XKR7: variants seen among roughly 807,000 people sequenced by gnomAD.
The protein encoded by XKR7 is XK-related protein 7.
In XKR7, 11 loss-of-function variants were observed where a neutral mutation model predicts 42.2. The observed-to-expected ratio is 0.26, with a 90% CI of 0.16 to 0.43. The LOEUF (loss-of-function observed/expected upper bound fraction) is 0.43. Among genes scored for constraint, XKR7 ranks in the 20% least tolerant of loss-of-function variants. XKR7 has a pLI of 1.00. For missense variants in XKR7, 710 were observed against 802.2 expected (o/e 0.89, Z 1.39); for synonymous variants, 346 against 366.4 (o/e 0.94, Z 0.64).
chr20:31,987,754 G>C (rs2064549698), intron 1 of XKR7, among the ~76,000 whole-genome samples: 1 of 152,240 alleles, frequency 6.6e-6, no homozygotes, highest in Admixed American at 6.5e-5. Context: ...TAGACAGGCT[G>C]TCTGGCATCC....
At chr20:31,986,265 G>T (rs924923520) in intron 1 of XKR7, among the ~76,000 whole-genome samples, 2 of 77,032 alleles carry the variant, frequency 2.6e-5, no homozygotes, top group Non-Finnish European at 5.1e-5. Context: ...CAGCATCCAA[G>T]ACACAGACAG....
chr20:31,968,997 T>G lies in XKR7; in HGVS notation c.584+238T>G, dbSNP rs2064451599. On this transcript the variant is annotated intron_variant, in intron 1 of 2. Transcript: ENST00000562532. This position sits in a 1 kb window ranked among gnomAD's most constrained non-coding sequence, Gnocchi z 4.5. ...ACCTGGCCTTCGAGAGGGGAGGGGATGGTTCAAGAAAGGAGAGAAAGAGAT... is the reference window on the plus strand; with the variant it reads ...ACCTGGCCTTCGAGAGGGGAGGGGAGGGTTCAAGAAAGGAGAGAAAGAGAT... Among the ~76,000 whole-genome samples the G allele has an allele frequency of 6.6e-6, 1 of 151,716 alleles. No individual in the cohort carries two copies. Among genetic ancestry groups the G allele is most frequent in the South Asian group, 2.1e-4 (1 of 4,804 alleles).
At chr20:31,969,409 TC>T (rs2064453847) in intron 1 of XKR7, among the ~76,000 whole-genome samples, 1 of 152,182 alleles carries the variant, frequency 6.6e-6, no homozygotes, top group Non-Finnish European at 1.5e-5. Flanking sequence ...GAATCTTGAA[TC>T]TGAGATTAGA....
At chr20:31,981,343 T>C (rs1333193074) in intron 1 of XKR7, among the ~76,000 whole-genome samples, 1 of 151,910 alleles carries the variant, frequency 6.6e-6, no homozygotes, top group Admixed American at 6.6e-5. Context: ...GCCACTGCAC[T>C]CCAGCTTGGG....
intron 1 of XKR7, among the ~76,000 whole-genome samples, chr20:31,977,165 C>G (rs1254669167): frequency 1.3e-5 from 2 of 152,186 alleles, no homozygotes; most frequent in Non-Finnish European, 2.9e-5. Context: ...GTTGGGTTCC[C>G]AGAATGATAC....
intron 1 of XKR7, among the ~76,000 whole-genome samples, chr20:31,990,936 A>G (rs2064567945): frequency 6.6e-6 from 1 of 152,042 alleles, no homozygotes; most frequent in East Asian, 1.9e-4. Context: ...TTATCCCCAG[A>G]CCACAGTGTG....
At chr20:31,969,264 C>T (rs558294151) in intron 1 of XKR7, among the ~76,000 whole-genome samples, 9 of 152,296 alleles carry the variant, frequency 5.9e-5, no homozygotes, top group South Asian at 4.1e-4. Context: ...ATGAATATCC[C>T]GCCTAAACTT....
chr20:31,997,317 G>T lies in XKR7; in HGVS notation c.1600G>T (p.Ala534Ser). ...RIDLPRKKYP[A>S]WDAHFIDRRL... ...TGACTTGCCTCGCAAGAAGTACCCG[G>T]CCTGGGATGCTCATTTTATTGACCG... Residue 534 changes from alanine to serine, a missense_variant, in exon 3 of 3, where the codon GCC becomes TCC. By Grantham distance (99) the Ala-to-Ser change is moderately conservative (BLOSUM62 1). Transcript: ENST00000562532. The T allele has an allele frequency of 6.2e-7, 1 of 1,610,652 alleles. No homozygotes were observed.
chr20:32,000,795 G>A lies in XKR7; in HGVS notation c.*3338G>A, dbSNP rs76950117. On this transcript the variant is annotated 3_prime_UTR_variant, in exon 3 of 3. Coordinates refer to ENST00000562532, the MANE Select transcript of XKR7 (RefSeq NM_001011718.2). ...GCACCACACACACCCACATCACGGCGCCTCCTGGCACTGATGTGCCATGTG... is the reference window on the plus strand; with the variant it reads ...GCACCACACACACCCACATCACGGCACCTCCTGGCACTGATGTGCCATGTG... 0.022 allele frequency: 3,286 copies of A among 152,614 alleles called. 61 individuals carry two copies. The highest frequency in any genetic ancestry group is 0.053 in the Middle Eastern group (16 of 302). 9.5% of individuals were successfully genotyped at this position (152,614 alleles called of 1,614,324 possible).
At chr20:31,985,227 G>A (rs1358394316) in intron 1 of XKR7, among the ~76,000 whole-genome samples, 8 of 152,084 alleles carry the variant, frequency 5.3e-5, no homozygotes, top group East Asian at 1.9e-4. Context: ...ACCCTGGCCC[G>A]CATTGAGACT....
intron 1 of XKR7, among the ~76,000 whole-genome samples, chr20:31,989,486 C>T (rs2064559404): frequency 6.6e-6 from 1 of 151,304 alleles, no homozygotes; most frequent in Non-Finnish European, 1.5e-5. Flanking sequence ...TGCTGGTTGC[C>T]ATGTGGAGAA....
chr20:31,977,712 G>T (rs1012614173), intron 1 of XKR7, among the ~76,000 whole-genome samples: 2 of 152,178 alleles, frequency 1.3e-5, no homozygotes, highest in Non-Finnish European at 2.9e-5. Context: ...ATCGAGGAAG[G>T]AGAGTTGTTC....
rs1343096751 is a variant in XKR7, at chr20:32,000,846, C to G, written c.*3389C>G. 6.6e-6 allele frequency: 1 copy of G among 152,406 alleles called. No homozygotes were observed. Among genetic ancestry groups the G allele is most frequent in the Non-Finnish European group, 1.5e-5 (1 of 68,180 alleles). The allele number at this position is 152,406 out of a possible 1,614,324, so 9.4% of individuals were successfully genotyped here. On this transcript the variant is annotated 3_prime_UTR_variant, in exon 3 of 3. Transcript: ENST00000562532. ...CCTTGTAACTGTCACCCCAGCTGAA[C>G]AGCACAGACCTCCCCACTCCCCCAC...
intron 1 of XKR7, among the ~76,000 whole-genome samples, chr20:31,975,807 A>C (rs936952444): frequency 6.6e-6 from 1 of 152,212 alleles, no homozygotes; most frequent in Non-Finnish European, 1.5e-5. Flanking sequence ...GTTAGCTAAA[A>C]AAATGCATGT....
At chr20:31,993,290 TG>T (rs1183745326) in intron 1 of XKR7, among the ~76,000 whole-genome samples, 1 of 152,134 alleles carries the variant, frequency 6.6e-6, no homozygotes, top group Non-Finnish European at 1.5e-5. Context: ...GTAGAGCTTC[TG>T]GGCAAGGAAC....
chr20:31,987,005 G>A lies in XKR7; in HGVS notation c.585-8063G>A, dbSNP rs184248068. Reference sequence around the variant, plus strand: ...CCGCTAAACAGATCCAGTATCCAAGGCACAGACAGACAGACCACCAAGCAG... The same window carrying A: ...CCGCTAAACAGATCCAGTATCCAAGACACAGACAGACAGACCACCAAGCAG... On this transcript the variant is annotated intron_variant, in intron 1 of 2. Coordinates refer to ENST00000562532, the MANE Select transcript of XKR7 (RefSeq NM_001011718.2). Among the ~76,000 whole-genome samples the A allele has an allele frequency of 2.3e-3, 255 of 110,514 alleles. 1 individual carries two copies. Among genetic ancestry groups the A allele is most frequent in the African/African-American group, 8.4e-3 (234 of 27,974 alleles). The allele number at this position is 110,514 out of a possible 152,430, so 72.5% of individuals were successfully genotyped here. A position where few individuals can be genotyped will look rare whatever the true frequency, so the allele number is the denominator to read the frequency against.
rs2064608155 is a variant in XKR7, at chr20:31,998,554, G to C, written c.*1097G>C. 6.6e-6 allele frequency: 1 copy of C among 152,294 alleles called. No homozygotes were observed. Among genetic ancestry groups the C allele is most frequent in the Admixed American group, 6.5e-5 (1 of 15,288 alleles). 9.4% of individuals were successfully genotyped at this position (152,294 alleles called of 1,614,324 possible). A position where few individuals can be genotyped will look rare whatever the true frequency, so the allele number is the denominator to read the frequency against. ...CACCTGTCACAGTGGTGGGGGAGAAGAGGTTCTAGAGCCCAGCGTGAATGG... is the reference window on the plus strand; with the variant it reads ...CACCTGTCACAGTGGTGGGGGAGAACAGGTTCTAGAGCCCAGCGTGAATGG... On this transcript the variant is annotated 3_prime_UTR_variant, in exon 3 of 3. Coordinates refer to ENST00000562532, the MANE Select transcript of XKR7 (RefSeq NM_001011718.2).
At chr20:31,978,298 C>A (rs747559284) in intron 1 of XKR7, among the ~76,000 whole-genome samples, 1 of 152,114 alleles carries the variant, frequency 6.6e-6, no homozygotes, top group Non-Finnish European at 1.5e-5. Context: ...TTTGTAGGGG[C>A]AGGGTCTCAC....
rs964776089 is a variant in XKR7, at chr20:31,999,268, G to A, written c.*1811G>A. On this transcript the variant is annotated 3_prime_UTR_variant, in exon 3 of 3. Transcript: ENST00000562532. ...ACTCTCTCAAGGTCCCAGACTCTGG[G>A]CTGCCCATCAAAAGGTGATGGGTAA... 7 of 151,966 alleles carry A rather than the reference G, an allele frequency of 4.6e-5. No individual in the cohort carries two copies. Among genetic ancestry groups the A allele is most frequent in the African/African-American group, 1.7e-4 (7 of 41,356 alleles). The allele number at this position is 151,966 out of a possible 1,614,324, so 9.4% of individuals were successfully genotyped here.
Sources: gnomAD v4.1 joint callset for allele counts (sites outside exome capture counted in the v4.1 genomes callset) on GRCh38, gnomAD v4.1.1 for gene constraint, Gnocchi (gnomAD v3.1) non-coding constraint, MANE v1.5 for transcripts, NCBI Gene and HGNC (gene_info 2026-07-23, HGNC 2026-07-21) for gene names.